Variants in ARFGEF2 observed in about 807,000 individuals in gnomAD.
ARFGEF2 encodes brefeldin A-inhibited guanine nucleotide-exchange protein 2.
ARFGEF2 carries 74 observed loss-of-function variants against 219.9 expected under a neutral mutation model. That is an observed-to-expected ratio of 0.34 (90% CI 0.28 to 0.41). The LOEUF (loss-of-function observed/expected upper bound fraction) is 0.41. Ranked by LOEUF, ARFGEF2 falls within the 10% of genes least tolerant of loss-of-function variation. The pLI is 1.00. For missense variants in ARFGEF2, 1,743 were observed against 2,218.3 expected, an observed-to-expected ratio of 0.79 and a Z score of 4.30; for synonymous variants, 733 against 799.2, an observed-to-expected ratio of 0.92 and a Z score of 1.40.
chr20:49,001,402 G>C (rs938888189), intron 25 of ARFGEF2, among the ~76,000 whole-genome samples: 1 of 152,084 alleles, frequency 6.6e-6, no homozygotes, highest in Non-Finnish European at 1.5e-5. Flanking sequence ...ATTGTGAACT[G>C]GGGCACTTAA....
Position 48,950,812 on chromosome 20 carries a change from ATATATATAT to A in ARFGEF2, c.277-510_277-502del, listed in dbSNP as rs1321119310. 6.6e-3 allele frequency among the ~76,000 whole-genome samples: 289 copies of A among 43,990 alleles called. 6 individuals are homozygous for A. The highest frequency in any genetic ancestry group is 0.025 in the African/African-American group (250 of 9,928). The allele number at this position is 43,990 out of a possible 152,430, so 28.9% of individuals were successfully genotyped here. A position where few individuals can be genotyped will look rare whatever the true frequency, so the allele number is the denominator to read the frequency against. On this transcript the variant is annotated intron_variant, in intron 3 of 38. Coordinates refer to ENST00000371917, the MANE Select transcript of ARFGEF2 (RefSeq NM_006420.3). The stretch of plus-strand genomic sequence containing the variant: ...CCCTGTCTAAAAAAAAAAAAAAAAA[ATATATATAT>A]ATATATATATATATATATATATATA...
rs2091666733 is a variant in ARFGEF2 at position 49,036,493 on chromosome 20, C to G, written c.*3294C>G. 1.1e-5 allele frequency: 4 copies of G among 357,006 alleles called. No individual in the cohort carries two copies. The highest frequency in any genetic ancestry group is 1.5e-5 in the Non-Finnish European group (3 of 201,148). The allele number at this position is 357,006 out of a possible 1,614,324, so 22.1% of individuals were successfully genotyped here. A position where few individuals can be genotyped will look rare whatever the true frequency, so the allele number is the denominator to read the frequency against. On this transcript the variant is annotated 3_prime_UTR_variant, in exon 39 of 39. Coordinates refer to ENST00000371917, the MANE Select transcript of ARFGEF2 (RefSeq NM_006420.3). ...TAGTTACTTTGGTTTAACCTATACA[C>G]AATGATTAAGTGCATTTAATATTGG...
chr20:48,990,998 A>T, intron 20 of ARFGEF2, 42 bp from the exon 21 acceptor site: 1 of 1,600,694 alleles, frequency 6.2e-7, no homozygotes, highest in Non-Finnish European at 8.5e-7. Flanking sequence ...TGGCCACACT[A>T]AGGTTGGAGT....
At chr20:48,988,422 G>T (rs781659706) in intron 17 of ARFGEF2, 34 bp downstream of exon 17, 2 of 1,611,112 alleles carry the variant, frequency 1.2e-6, no homozygotes, top group Middle Eastern at 1.7e-4. Context: ...TGTTGTATTA[G>T]CTAAATAAGT....
chr20:48,935,181 G>A (rs1338519965), intron 1 of ARFGEF2, among the ~76,000 whole-genome samples: 6 of 152,172 alleles, frequency 3.9e-5, no homozygotes, highest in Admixed American at 2.0e-4. Context: ...GTGGAGGGAA[G>A]GTCAGCAGAT....
intron 3 of ARFGEF2, among the ~76,000 whole-genome samples, chr20:48,949,002 A>G (rs992389267): frequency 1.3e-5 from 2 of 149,546 alleles, no homozygotes; most frequent in African/African-American, 4.8e-5. Flanking sequence ...CGTTTGTCTT[A>G]CTATTGTATC....
intron 6 of ARFGEF2, among the ~76,000 whole-genome samples, chr20:48,956,872 G>A (rs768197079): frequency 7.2e-5 from 11 of 152,148 alleles, no homozygotes; most frequent in East Asian, 1.9e-4. Context: ...GAGCCACCAC[G>A]CCCAACCAGG....
intron 1 of ARFGEF2, among the ~76,000 whole-genome samples, chr20:48,940,939 A>G (rs368433231): frequency 6.6e-6 from 1 of 152,334 alleles, no homozygotes; most frequent in Non-Finnish European, 1.5e-5. Context: ...GATGGATATA[A>G]TAAGAGTATG....
At chr20:48,949,133 A>C (rs950068546) in intron 3 of ARFGEF2, among the ~76,000 whole-genome samples, 1 of 152,198 alleles carries the variant, frequency 6.6e-6, no homozygotes, top group Non-Finnish European at 1.5e-5. Context: ...TGAGGGGGGA[A>C]GTCATGCTTA....
chr20:48,998,264 A>G, intron 24 of ARFGEF2, 31 bp downstream of exon 24: 1 of 1,614,184 alleles, frequency 6.2e-7, no homozygotes. Context: ...TGAAAACTGC[A>G]GAAGCCTCAC....
At chr20:49,005,757 A>G (rs990566200) in intron 26 of ARFGEF2, among the ~76,000 whole-genome samples, 3 of 150,984 alleles carry the variant, frequency 2.0e-5, no homozygotes. Context: ...AAAAAAAAAA[A>G]AGAAAAGAAA....
At chr20:49,005,247 T>C (rs2091450480) in intron 26 of ARFGEF2, 26 bp downstream of exon 26, 4 of 1,613,792 alleles carry the variant, frequency 2.5e-6, no homozygotes, top group Middle Eastern at 1.6e-4. Flanking sequence ...TGGAAGACGC[T>C]TGGTCAAATT....
At chr20:48,935,987 C>G (rs1266611883) in intron 1 of ARFGEF2, among the ~76,000 whole-genome samples, 1 of 131,132 alleles carries the variant, frequency 7.6e-6, no homozygotes, top group Non-Finnish European at 1.6e-5. Context: ...GGCGGCTGGC[C>G]GGGCAGAGGG....
intron 6 of ARFGEF2, among the ~76,000 whole-genome samples, chr20:48,958,603 A>C (rs1417834823): frequency 6.8e-6 from 1 of 147,976 alleles, no homozygotes; most frequent in Non-Finnish European, 1.5e-5. Context: ...CGCCTGGCTA[A>C]TTTTTTTTTT....
chr20:48,950,805 A>ATATAT (rs1308187494), intron 3 of ARFGEF2, among the ~76,000 whole-genome samples: 61 of 40,106 alleles, frequency 1.5e-3, no homozygotes, highest in Non-Finnish European at 2.5e-3. Flanking sequence ...AAAAAAAAAA[A>ATATAT]AAAAAAATAT....
chr20:48,937,906 G>A (rs1340706600), intron 1 of ARFGEF2, among the ~76,000 whole-genome samples: 2 of 152,172 alleles, frequency 1.3e-5, no homozygotes, highest in Admixed American at 1.3e-4. Flanking sequence ...AGCTGGATGG[G>A]TTCACAGAGC....
intron 34 of ARFGEF2, among the ~76,000 whole-genome samples, chr20:49,020,363 T>C (rs1404378607): frequency 6.6e-6 from 1 of 152,202 alleles, no homozygotes; most frequent in Non-Finnish European, 1.5e-5. Flanking sequence ...TAAAGAGGTA[T>C]CGTGTTGGGA....
chr20:48,983,228 T>C (rs776902916), intron 14 of ARFGEF2, among the ~76,000 whole-genome samples: 4 of 152,190 alleles, frequency 2.6e-5, no homozygotes, highest in Non-Finnish European at 5.9e-5. Flanking sequence ...CTTTGAAAAA[T>C]AAAGGACATT....
At chr20:48,965,373 C>G (rs1451719196) in intron 7 of ARFGEF2, among the ~76,000 whole-genome samples, 1 of 152,176 alleles carries the variant, frequency 6.6e-6, no homozygotes, top group African/African-American at 2.4e-5. Flanking sequence ...GATATGCTTT[C>G]CTTCATTAAA....
Sources: allele counts gnomAD v4.1 joint callset (sites outside exome capture counted in the v4.1 genomes callset), GRCh38; gene constraint gnomAD v4.1.1; transcripts MANE v1.5; gene names NCBI Gene and HGNC (gene_info 2026-07-23, HGNC 2026-07-21).